The following TRAK1 variants were observed in gnomAD, a reference collection of about 807,000 sequenced individuals.
The protein encoded by TRAK1 is trafficking kinesin protein 1.
A neutral mutation model predicts 92.1 loss-of-function variants in TRAK1; 33 were observed. That is an observed-to-expected ratio of 0.36 (90% CI 0.27 to 0.48). The LOEUF is 0.48. TRAK1 is among the 20% of genes least tolerant of loss of function. The pLI is 0.99. For synonymous variants in TRAK1, 521 were observed against 517.3 expected, an observed-to-expected ratio of 1.01 and a Z score of -0.10; for missense variants, 1,123 against 1,257.9, an observed-to-expected ratio of 0.89 and a Z score of 1.62.
chr3:42,040,363 G>C (rs889218966), intron 1 of TRAK1, among the ~76,000 whole-genome samples: 1 of 152,142 alleles, frequency 6.6e-6, no homozygotes, highest in Non-Finnish European at 1.5e-5. Flanking sequence ...TTTGCCCAGA[G>C]TTGGTCTATT....
chr3:42,087,621 C>T (rs79686863), upstream of TRAK1, among the ~76,000 whole-genome samples: 804 of 152,344 alleles, frequency 5.3e-3, 6 homozygotes, highest in Admixed American at 7.9e-3. Flanking sequence ...GACCTACTAT[C>T]CTGACTGAGA....
At chr3:42,207,575 C>T (rs1708472896) in intron 13 of TRAK1, among the ~76,000 whole-genome samples, 1 of 152,192 alleles carries the variant, frequency 6.6e-6, no homozygotes, top group Admixed American at 6.5e-5. Context: ...TAATCATACT[C>T]AGTTCCTAGG....
Position 42,184,758 on chromosome 3 carries a change from G to A in TRAK1, c.437G>A (p.Arg146Lys), listed in dbSNP as rs778834502. The A allele has an allele frequency of 1.9e-6, 3 of 1,614,130 alleles. No individual in the cohort carries two copies. Among genetic ancestry groups the A allele is most frequent in the South Asian group, 1.1e-5 (1 of 91,070 alleles). ...LLKKNKTLTE[R>K]NELLEEQVEH... ...AAGAAGAACAAGACCCTAACCGAGA[G>A]GAACGAGCTGCTGGAGGAGCAGGTG... The change falls in exon 4 of 16, where the codon AGG becomes AAG. Residue 146 changes from arginine to lysine, a missense_variant. Physicochemically the swap from Arg to Lys is conservative, Grantham distance 26. Transcript: ENST00000327628.
At chr3:42,112,932 G>C (rs1708649916) in intron 1 of TRAK1, among the ~76,000 whole-genome samples, 1 of 151,852 alleles carries the variant, frequency 6.6e-6, no homozygotes, top group South Asian at 2.1e-4. Flanking sequence ...CACCACACTT[G>C]GATTTTTAAT....
chr3:42,091,481 T>C lies in TRAK1; in HGVS notation c.12T>C (p.Val4=), dbSNP rs765641177. MAL[V]FQFGQPVRAQ... ...GTTTATGTCTGCACATGGCATTGGT[T>C]TTTCAATTCGGGCAGCCCGTCAGGG... The change falls in exon 1 of 16, where the codon GTT becomes GTC. Residue 4 remains valine (V), a synonymous_variant. Transcript: ENST00000327628. 1 of 1,613,488 alleles carries C rather than the reference T, an allele frequency of 6.2e-7. No individual in the cohort carries two copies. Among genetic ancestry groups the C allele is most frequent in the South Asian group, 1.1e-5 (1 of 90,922 alleles).
chr3:42,164,894 G>A (rs1025920448), intron 2 of TRAK1, among the ~76,000 whole-genome samples: 2 of 152,240 alleles, frequency 1.3e-5, no homozygotes, highest in East Asian at 1.9e-4. Flanking sequence ...GCAGCTGCAT[G>A]AGGAAAACAC....
upstream of TRAK1, among the ~76,000 whole-genome samples, chr3:42,086,309 T>A (rs574620134): frequency 1.4e-5 from 2 of 144,498 alleles, no homozygotes; most frequent in Non-Finnish European, 3.0e-5. Flanking sequence ...TTCTTTTTCT[T>A]TCTTTTTTTT....
chr3:42,111,856 C>A (rs968153189), intron 1 of TRAK1, among the ~76,000 whole-genome samples: 1 of 150,810 alleles, frequency 6.6e-6, no homozygotes, highest in East Asian at 1.9e-4. Flanking sequence ...TAGTATTTTA[C>A]AGGGATAAGT....
At chr3:42,089,510 C>T (rs1227873041), upstream of TRAK1, among the ~76,000 whole-genome samples, 3 of 152,196 alleles carry the variant, frequency 2.0e-5, no homozygotes, top group African/African-American at 7.2e-5. Flanking sequence ...CCCCGCTGAC[C>T]TGCCTCCTCT....
intron 1 of TRAK1, among the ~76,000 whole-genome samples, chr3:42,106,001 C>T (rs1707496864): frequency 6.6e-6 from 1 of 152,138 alleles, no homozygotes; most frequent in South Asian, 2.1e-4. Flanking sequence ...GCCTGCCTTA[C>T]AAGAGCTCCT....
chr3:42,220,109 A>G (rs1710197226), intron 15 of TRAK1, among the ~76,000 whole-genome samples: 1 of 152,132 alleles, frequency 6.6e-6, no homozygotes, highest in South Asian at 2.1e-4. Context: ...TCAGTAGAGC[A>G]CAGAGTTCTT....
intron 14 of TRAK1, among the ~76,000 whole-genome samples, chr3:42,216,615 A>T (rs1709722336): frequency 6.6e-6 from 1 of 152,228 alleles, no homozygotes; most frequent in East Asian, 1.9e-4. Context: ...CGGGCAGTTC[A>T]TCAACACAGG....
In TRAK1 at chr3:42,059,723, A is replaced by G. The variant is rs1044156813; in HGVS notation, c.-518-27381A>G. On this transcript the variant is annotated intron_variant, in intron 1 of 16. Coordinates refer to the TRAK1 transcript ENST00000487159. ...TATTTCAGAGTATTTTTATTCTTCT[A>G]CAGAGAGACAGCTAGCTGTGATGGA... is the stretch of plus-strand genomic sequence containing the variant. Among the ~76,000 whole-genome samples the G allele has an allele frequency of 1.3e-5, 2 of 152,198 alleles. 1 individual carries two copies.
intron 2 of TRAK1, among the ~76,000 whole-genome samples, chr3:42,157,585 G>A (rs985613719): frequency 4.8e-5 from 7 of 146,920 alleles, no homozygotes; most frequent in East Asian, 2.1e-4. Context: ...TTTTCTTGCC[G>A]AAAGTTCATA....
At chr3:42,205,812 A>G (rs1251657307) in intron 13 of TRAK1, among the ~76,000 whole-genome samples, 2 of 152,222 alleles carry the variant, frequency 1.3e-5, no homozygotes, top group Non-Finnish European at 2.9e-5. Flanking sequence ...ACACTGGGGT[A>G]TGGAAGGAAA....
At chr3:42,138,243 T>C (rs1201717105) in intron 2 of TRAK1, among the ~76,000 whole-genome samples, 2 of 152,214 alleles carry the variant, frequency 1.3e-5, no homozygotes, top group Admixed American at 1.3e-4. Context: ...ACTTTTCTTG[T>C]TAAGATATAG....
At chr3:42,222,591 A>G (rs1192753492) in intron 15 of TRAK1, among the ~76,000 whole-genome samples, 4 of 152,210 alleles carry the variant, frequency 2.6e-5, no homozygotes, top group African/African-American at 9.6e-5. Context: ...CCCGTTCTCT[A>G]ACAGATTTAG....
intron 2 of TRAK1, chr3:42,160,459 A>G (rs771749833): frequency 1.5e-5 from 24 of 1,613,922 alleles, no homozygotes; most frequent in Non-Finnish European, 1.9e-5. Flanking sequence ...GACACCCAGG[A>G]CCTCTTGGAA....
rs145303759 is a variant in TRAK1 at position 42,193,171 on chromosome 3, C to T, written c.866C>T (p.Ser289Leu). Residue 289 changes from serine to leucine, a missense_variant, in exon 8 of 16, where the codon TCG (serine) becomes TTG (leucine). Coordinates refer to ENST00000327628, the MANE Select transcript of TRAK1 (RefSeq NM_001042646.3). ...RQQEEITHLL[S>L]QIVDLQKKAK... ...CAAGAGGAGATCACACACCTGCTAT[C>T]GCAAATAGTTGATTTGCAGAAAAAG... 1.8e-3 allele frequency: 2,869 copies of T among 1,614,168 alleles called. 5 individuals carry two copies. The highest frequency in any genetic ancestry group is 2.2e-3 in the Non-Finnish European group (2,599 of 1,180,024).
Sources: gnomAD v4.1 joint callset for allele counts (sites outside exome capture counted in the v4.1 genomes callset) on GRCh38, gnomAD v4.1.1 for gene constraint, MANE v1.5 for transcripts, NCBI Gene and HGNC (gene_info 2026-07-23, HGNC 2026-07-21) for gene names.